Variants in ITIH5 observed in about 807,000 individuals in gnomAD.
ITIH5 encodes inter-alpha-trypsin inhibitor heavy chain 5, also known as inter-alpha-trypsin inhibitor heavy chain H5.
A neutral mutation model predicts 77.5 loss-of-function variants in ITIH5; 65 were observed. The ratio of observed to expected loss-of-function variants is 0.84; its 90% CI spans 0.69 to 1.03. The LOEUF is 1.03. Ranked by LOEUF, ITIH5 falls within the 50% of genes least tolerant of loss-of-function variation. The pLI, the probability that ITIH5 is intolerant of heterozygous loss-of-function variation, is 0.00. For missense variants in ITIH5, 1,208 were observed against 1,213.1 expected (o/e 1.00, Z 0.06); for synonymous variants, 525 against 494.3 (o/e 1.06, Z -0.82).
intron 7 of ITIH5, among the ~76,000 whole-genome samples, chr10:7,596,306 T>C (rs1564251440): frequency 2.6e-5 from 4 of 152,138 alleles, no homozygotes; most frequent in Non-Finnish European, 5.9e-5. Flanking sequence ...TTAACTACCA[T>C]GCCATGAATG....
At chr10:7,604,208 A>G (rs1400164045) in intron 7 of ITIH5, among the ~76,000 whole-genome samples, 1 of 151,942 alleles carries the variant, frequency 6.6e-6, no homozygotes, top group Non-Finnish European at 1.5e-5. Context: ...TTGCCCCCCA[A>G]CCTCCAAAGC....
intron 12 of ITIH5, among the ~76,000 whole-genome samples, chr10:7,567,320 T>TTATTAC (rs1324270034): frequency 3.9e-4 from 2 of 5,114 alleles, no homozygotes; most frequent in East Asian, 0.05. Flanking sequence ...CGGACATCTT[T>TTATTAC]TATTATTATT....
At chr10:7,575,007 G>C (rs1357661600) in intron 10 of ITIH5, among the ~76,000 whole-genome samples, 1 of 152,110 alleles carries the variant, frequency 6.6e-6, no homozygotes, top group Non-Finnish European at 1.5e-5. Context: ...GAAAGTGATA[G>C]CATCCTGCCA....
intron 7 of ITIH5, among the ~76,000 whole-genome samples, chr10:7,614,062 G>A (rs1833313692): frequency 6.6e-6 from 1 of 152,192 alleles, no homozygotes; most frequent in African/African-American, 2.4e-5. Context: ...TTCGATGACT[G>A]CCAGTGTAGA....
chr10:7,568,572 T>C (rs545508506), intron 12 of ITIH5, among the ~76,000 whole-genome samples: 1 of 142,250 alleles, frequency 7.0e-6, no homozygotes, highest in South Asian at 2.1e-4. Context: ...CAAGAAAACA[T>C]GTGTTGAAGG....
intron 7 of ITIH5, among the ~76,000 whole-genome samples, chr10:7,606,565 A>G (rs770091292): frequency 7.2e-5 from 11 of 152,204 alleles, no homozygotes; most frequent in Admixed American, 1.3e-4. Flanking sequence ...GTACACATGG[A>G]CACGAAGAAG....
chr10:7,638,947 T>G (rs1219648528), intron 4 of ITIH5, among the ~76,000 whole-genome samples: 2 of 152,234 alleles, frequency 1.3e-5, no homozygotes, highest in Non-Finnish European at 1.5e-5. Context: ...CATAACATAT[T>G]TTAAATAATG....
Position 7,579,765 on chromosome 10 carries a change from G to T in ITIH5, c.1408C>A (p.Gln470Lys), listed in dbSNP as rs750184739. The change falls in exon 9 of 14, where the codon CAG (glutamine) becomes AAG (lysine). Residue 470 changes from glutamine (Q) to lysine (K), a missense_variant. By Grantham distance (53) the Gln-to-Lys change is moderately conservative. Transcript: ENST00000397146. ...RVHEEEDAGS[Q>K]LIGFYDEIRT... is the part of the protein sequence containing the mutation. ...AGACAGACCACAGACCCGATGAGCTGCGAGCCTGCGTCCTCCTCCTCGTGC... is the reference window on the plus strand; with the variant it reads ...AGACAGACCACAGACCCGATGAGCTTCGAGCCTGCGTCCTCCTCCTCGTGC... 1.6e-5 allele frequency: 26 copies of T among 1,613,182 alleles called. No homozygotes were observed. Among genetic ancestry groups the T allele is most frequent in the Non-Finnish European group, 1.9e-5 (23 of 1,179,722 alleles).
At chr10:7,580,935 C>T (rs1302458557) in intron 8 of ITIH5, among the ~76,000 whole-genome samples, 1 of 152,100 alleles carries the variant, frequency 6.6e-6, no homozygotes, top group South Asian at 2.1e-4. Flanking sequence ...CTTTTTCCTT[C>T]AGAGGCCCTT....
chr10:7,630,782 G>GT (rs1260107540), intron 5 of ITIH5, among the ~76,000 whole-genome samples: 1 of 151,732 alleles, frequency 6.6e-6, no homozygotes, highest in Non-Finnish European at 1.5e-5. Context: ...TTTTTAGAAT[G>GT]TATTTTTTTA....
chr10:7,610,069 C>CTTTTTTTT (rs5782989), intron 7 of ITIH5, among the ~76,000 whole-genome samples: 16 of 86,732 alleles, frequency 1.8e-4, no homozygotes, highest in East Asian at 6.6e-4. Flanking sequence ...TTTCTTTTTT[C>CTTTTTTTT]TTTTTTTTTT....
At chr10:7,640,936 C>A in intron 3 of ITIH5, 81 bp from the exon 4 acceptor site, 4 of 915,694 alleles carry the variant, frequency 4.4e-6, no homozygotes, top group Non-Finnish European at 7.2e-6. Context: ...CATGACAACC[C>A]CAGGAAATAT....
chr10:7,618,607 GCT>G (rs1163536895), intron 5 of ITIH5: 1 of 152,168 alleles, frequency 6.6e-6, no homozygotes, highest in African/African-American at 2.4e-5. Context: ...GCATGTGGAG[GCT>G]TTTTATCCAG....
chr10:7,657,041 CTTTTTTTTTTTT>C (rs56737624), intron 1 of ITIH5, among the ~76,000 whole-genome samples: 1 of 99,870 alleles, frequency 1.0e-5, no homozygotes, highest in African/African-American at 4.3e-5. Context: ...CGCGTTCGGC[CTTTTTTTTTTTT>C]TTTTTTTTTT....
chr10:7,632,054 C>A (rs2131065370), intron 5 of ITIH5, among the ~76,000 whole-genome samples: 1 of 151,886 alleles, frequency 6.6e-6, no homozygotes, highest in South Asian at 2.1e-4. Flanking sequence ...CGACCTTGCC[C>A]TTCCAAAATA....
chr10:7,574,796 A>G (rs539340555), intron 10 of ITIH5, among the ~76,000 whole-genome samples: 80 of 22,072 alleles, frequency 3.6e-3, no homozygotes, highest in South Asian at 8.6e-3. Flanking sequence ...CCATCTCGGA[A>G]AAAAAAAAAA....
Position 7,562,933 on chromosome 10 carries a change from C to G in ITIH5, c.*150G>C. ...TACCCACCCCTACCCTTCGCCCAGA[C>G]AGACGTCGGATCTATGCTGCACCAG... On this transcript the variant is annotated 3_prime_UTR_variant, in exon 14 of 14. Coordinates refer to ENST00000397146, the MANE Select transcript of ITIH5 (RefSeq NM_030569.7). The G allele has an allele frequency of 1.9e-6, 1 of 536,416 alleles. No homozygotes were observed. Among genetic ancestry groups the G allele is most frequent in the South Asian group, 1.7e-5 (1 of 59,336 alleles). 33.2% of individuals were successfully genotyped at this position (536,416 alleles called of 1,614,324 possible). A position where few individuals can be genotyped will look rare whatever the true frequency, so the allele number is the denominator to read the frequency against.
intron 2 of ITIH5, among the ~76,000 whole-genome samples, chr10:7,644,632 TCA>T (rs1833959124): frequency 6.3e-5 from 5 of 78,974 alleles, no homozygotes; most frequent in South Asian, 1.0e-3. Flanking sequence ...ATCACATATA[TCA>T]CATATATATC....
At chr10:7,629,381 T>G (rs570178208) in intron 5 of ITIH5, among the ~76,000 whole-genome samples, 1,758 of 148,262 alleles carry the variant, frequency 0.012, 160 homozygotes, top group Non-Finnish European at 0.017. Flanking sequence ...GTGTCCATGT[T>G]GTAGCGTGTG....
Sources: allele counts gnomAD v4.1 joint callset (sites outside exome capture counted in the v4.1 genomes callset), GRCh38; gene constraint gnomAD v4.1.1; transcripts MANE v1.5; gene names NCBI Gene and HGNC (gene_info 2026-07-23, HGNC 2026-07-21).